The following KIF5C variants were observed in gnomAD, a reference collection of about 807,000 sequenced individuals.
KIF5C encodes the protein kinesin family member 5C, also known as kinesin heavy chain isoform 5C.
In KIF5C, 18 loss-of-function variants were observed where a neutral mutation model predicts 125.2. The observed-to-expected ratio is 0.14, with a 90% CI of 0.10 to 0.21. KIF5C has a LOEUF of 0.21. Ranked by LOEUF, KIF5C falls within the 10% of genes least tolerant of loss-of-function variation. The pLI is 1.00. For synonymous variants in KIF5C, 405 were observed against 434.0 expected, an observed-to-expected ratio of 0.93 and a Z score of 0.83; for missense variants, 780 against 1,183.8, an observed-to-expected ratio of 0.66 and a Z score of 5.01.
chr2:148,953,029 A>T (rs1303655283), intron 10 of KIF5C, among the ~76,000 whole-genome samples: 1 of 152,192 alleles, frequency 6.6e-6, no homozygotes, highest in African/African-American at 2.4e-5. Context: ...TGCTGCAGGT[A>T]ATTTGGGCTT....
intron 12 of KIF5C, among the ~76,000 whole-genome samples, chr2:148,977,463 C>T (rs1244886241): frequency 6.6e-6 from 1 of 152,160 alleles, no homozygotes; most frequent in Non-Finnish European, 1.5e-5. Context: ...TTTAAGTGCT[C>T]AGGAACATAA....
intron 1 of KIF5C, among the ~76,000 whole-genome samples, chr2:148,911,067 G>A (rs1681315220): frequency 6.6e-6 from 1 of 152,174 alleles, no homozygotes. Context: ...ACATCTAATT[G>A]GAGGTTTTAA....
At chr2:148,980,964 C>T (rs1401231172) in intron 13 of KIF5C, among the ~76,000 whole-genome samples, 2 of 152,098 alleles carry the variant, frequency 1.3e-5, no homozygotes, top group Non-Finnish European at 2.9e-5. Flanking sequence ...CCTGCCTCGG[C>T]CTCTCAAAGT....
At chr2:149,016,346 G>A (rs749152616) in intron 25 of KIF5C, among the ~76,000 whole-genome samples, 1 of 139,064 alleles carries the variant, frequency 7.2e-6, no homozygotes, top group Non-Finnish European at 1.5e-5. Context: ...TAGGAATGGG[G>A]TAAGCACTGG....
At chr2:148,926,962 G>A (rs1682025541) in intron 2 of KIF5C, among the ~76,000 whole-genome samples, 1 of 152,042 alleles carries the variant, frequency 6.6e-6, no homozygotes, top group Admixed American at 6.5e-5. Flanking sequence ...GTTCTGGTGG[G>A]GTTTTATGTG....
chr2:148,888,963 T>C (rs986195531), intron 1 of KIF5C: 4 of 152,142 alleles, frequency 2.6e-5, no homozygotes, highest in African/African-American at 7.2e-5. Context: ...ACCCATCTCA[T>C]TGTTGTTCAT....
chr2:148,898,822 A>AT (rs1025440465), intron 1 of KIF5C, among the ~76,000 whole-genome samples: 1 of 152,220 alleles, frequency 6.6e-6, no homozygotes, highest in Non-Finnish European at 1.5e-5. Flanking sequence ...ATTTCTGTTA[A>AT]TTTTTTATAG....
intron 1 of KIF5C, among the ~76,000 whole-genome samples, chr2:148,891,872 A>G (rs925983208): frequency 6.6e-5 from 10 of 151,876 alleles, no homozygotes; most frequent in African/African-American, 2.2e-4. Context: ...TAATTTTTGT[A>G]TTTTTAGTAG....
At chr2:148,921,931 C>G (rs1208761830) in intron 1 of KIF5C, among the ~76,000 whole-genome samples, 1 of 152,170 alleles carries the variant, frequency 6.6e-6, no homozygotes, top group African/African-American at 2.4e-5. Flanking sequence ...TTTAAAATCT[C>G]AGATTCTCAA....
chr2:148,968,427 A>C (rs533537381), intron 11 of KIF5C, among the ~76,000 whole-genome samples: 1 of 152,220 alleles, frequency 6.6e-6, no homozygotes, highest in African/African-American at 2.4e-5. Context: ...TTGCTCTTTT[A>C]GCATTAAATC....
rs142932308 is a variant in KIF5C, at chr2:148,987,165, A to G, written c.1716+3399A>G. On this transcript the variant is annotated intron_variant, in intron 15 of 25. Coordinates refer to ENST00000435030, the MANE Select transcript of KIF5C (RefSeq NM_004522.3). The stretch of plus-strand genomic sequence containing the variant: ...ACTTATGTTTTTCACAGGGTGGCCA[A>G]ATAAACTTATTCAACAGGTTACAGG... 6.1e-3 allele frequency among the ~76,000 whole-genome samples: 924 copies of G among 152,308 alleles called. 6 individuals are homozygous for G. The highest frequency in any genetic ancestry group is 0.021 in the African/African-American group (886 of 41,566).
chr2:149,002,576 C>T (rs1448950365), intron 21 of KIF5C, among the ~76,000 whole-genome samples: 4 of 152,222 alleles, frequency 2.6e-5, no homozygotes, highest in Non-Finnish European at 5.9e-5. Context: ...CTTTCTCACT[C>T]GCACATTCAC....
intron 7 of KIF5C, among the ~76,000 whole-genome samples, chr2:148,945,838 A>AT (rs1175983056): frequency 6.6e-6 from 1 of 152,146 alleles, no homozygotes; most frequent in East Asian, 1.9e-4. Context: ...TTTAGGATGG[A>AT]TTTTTCTGCT....
At chr2:148,885,282 G>A (rs1488010702) in intron 1 of KIF5C, among the ~76,000 whole-genome samples, 1 of 152,094 alleles carries the variant, frequency 6.6e-6, no homozygotes, top group African/African-American at 2.4e-5. Context: ...CACCGTGCCC[G>A]GCCCAGTCAT....
chr2:148,893,538 A>G (rs898530636), intron 1 of KIF5C, among the ~76,000 whole-genome samples: 17 of 152,176 alleles, frequency 1.1e-4, no homozygotes, highest in African/African-American at 3.9e-4. Context: ...CTCTTCTTCG[A>G]GTGCCATTCC....
At chr2:148,956,376 T>C (rs1216792510) in intron 10 of KIF5C, among the ~76,000 whole-genome samples, 6 of 152,224 alleles carry the variant, frequency 3.9e-5, no homozygotes, top group Admixed American at 3.9e-4. Flanking sequence ...AGAGAATCTT[T>C]ACTGACTTAA....
intron 1 of KIF5C, among the ~76,000 whole-genome samples, chr2:148,881,016 GT>G (rs1681334612): frequency 6.7e-6 from 1 of 148,516 alleles, no homozygotes; most frequent in Admixed American, 6.8e-5. Context: ...TGTATTGAAA[GT>G]GCAGATAATA....
In KIF5C at chr2:148,950,467, G is replaced by A. The variant is rs113633344; in HGVS notation, c.968+5G>A. 61 of 1,612,090 alleles carry A rather than the reference G, an allele frequency of 3.8e-5. No homozygotes were observed. Among genetic ancestry groups the A allele is most frequent in the South Asian group, 2.2e-4 (20 of 90,596 alleles). ...CACACTGATGTTCGGACAGAGGTAC[G>A]TGTGGTCTCTCAGGACCCATCCTCT... is the stretch of plus-strand genomic sequence containing the variant. On this transcript the variant is annotated splice_donor_5th_base_variant and intron_variant, in intron 10 of 25. Coordinates refer to ENST00000435030, the MANE Select transcript of KIF5C (RefSeq NM_004522.3).
At chr2:149,005,084 A>G (rs1258683751) in intron 21 of KIF5C, among the ~76,000 whole-genome samples, 2 of 152,220 alleles carry the variant, frequency 1.3e-5, no homozygotes, top group Non-Finnish European at 2.9e-5. Flanking sequence ...CCCAGTAGGA[A>G]TTTTTGTGAG....
Sources: gnomAD v4.1 joint callset for allele counts (sites outside exome capture counted in the v4.1 genomes callset) on GRCh38, gnomAD v4.1.1 for gene constraint, MANE v1.5 for transcripts, NCBI Gene and HGNC (gene_info 2026-07-23, HGNC 2026-07-21) for gene names.